Variants in SMARCD1 observed in about 807,000 individuals in gnomAD.
SMARCD1 encodes SWI/SNF related BAF chromatin remodeling complex subunit D1, also known as SWI/SNF-related matrix-associated actin-dependent regulator of chromatin subfamily D member 1.
A neutral mutation model predicts 70.8 loss-of-function variants in SMARCD1; 16 were observed. The ratio of observed to expected loss-of-function variants is 0.23; its 90% confidence interval spans 0.15 to 0.34. The LOEUF is 0.34. Among genes scored for constraint, SMARCD1 ranks in the 10% least tolerant of loss-of-function variants. The probability of loss-of-function intolerance (pLI) is 1.00; values close to 1 mark genes in which losing one functional copy is unlikely to be tolerated. For missense variants in SMARCD1, 409 were observed against 655.5 expected (o/e 0.62, Z 4.11); for synonymous variants, 249 against 246.0 (o/e 1.01, Z -0.11).
At chr12:50,088,486 C>A in intron 5 of SMARCD1, 35 bp from the exon 6 acceptor site, 1 of 1,226,220 alleles carries the variant, frequency 8.2e-7, no homozygotes, top group Non-Finnish European at 1.2e-6. Context: ...TTCTTCTGGC[C>A]TTTCCTAATG....
intron 9 of SMARCD1, among the ~76,000 whole-genome samples, chr12:50,093,629 T>A (rs986482153): frequency 6.6e-6 from 1 of 152,054 alleles, no homozygotes; most frequent in African/African-American, 2.4e-5. Flanking sequence ...ACCACAGATG[T>A]GTGCCACCAC....
chr12:50,098,596 G>A (rs1051767470), intron 11 of SMARCD1, 118 bp from the exon 12 acceptor site: 1 of 731,850 alleles, frequency 1.4e-6, no homozygotes, highest in Non-Finnish European at 2.3e-6. Context: ...GGTACTAGGG[G>A]TTGGTTAGAC....
rs1252002322 is a variant in SMARCD1, at chr12:50,099,720, C to T, written c.*720C>T. ...GATTCCCTCAGATCTGCCCTAATCCCGGGCATTTGGGTGGGGGAATCTTGC... is the reference window on the plus strand; with the variant it reads ...GATTCCCTCAGATCTGCCCTAATCCTGGGCATTTGGGTGGGGGAATCTTGC... On this transcript the variant is annotated 3_prime_UTR_variant, in exon 13 of 13. Transcript: ENST00000394963. 6 of 170,548 alleles carry T rather than the reference C, an allele frequency of 3.5e-5. No individual in the cohort carries two copies. The highest frequency in any genetic ancestry group is 4.0e-4 in the South Asian group (2 of 4,974). The allele number at this position is 170,548 out of a possible 1,614,324, so 10.6% of individuals were successfully genotyped here.
At chr12:50,091,545 G>A (rs1216186376) in intron 9 of SMARCD1, among the ~76,000 whole-genome samples, 1 of 152,084 alleles carries the variant, frequency 6.6e-6, no homozygotes, top group Non-Finnish European at 1.5e-5. Context: ...AAAGTGCTGG[G>A]ACTACAGGCG....
chr12:50,092,410 G>A (rs991586074), intron 9 of SMARCD1, among the ~76,000 whole-genome samples: 14 of 151,012 alleles, frequency 9.3e-5, no homozygotes, highest in Non-Finnish European at 2.1e-4. Context: ...TTTTAGTAGA[G>A]ACGGGGTTTT....
rs1247141490 is a variant in SMARCD1, at chr12:50,098,753, C to T, written c.1432C>T (p.Arg478Ter). 6.2e-7 allele frequency: 1 copy of T among 1,614,112 alleles called. No individual in the cohort carries two copies. Among genetic ancestry groups the T allele is most frequent in the Non-Finnish European group, 8.5e-7 (1 of 1,179,988 alleles). The change falls in exon 12 of 13, where the codon CGA becomes TGA. Residue 478 changes from arginine to a stop codon, truncating the protein, a stop_gained. Coordinates refer to ENST00000394963, the MANE Select transcript of SMARCD1 (RefSeq NM_003076.5). LOFTEE classifies it high-confidence loss of function. ...DVVGNPEEER[R>*]AEFYFQPWAQ... ...GGTGGGTAACCCAGAGGAGGAGCGC[C>T]GAGCTGAGTTCTACTTCCAGCCCTG...
intron 10 of SMARCD1, 114 bp from the exon 11 acceptor site, chr12:50,096,736 G>C: frequency 2.2e-6 from 2 of 907,904 alleles, no homozygotes; most frequent in South Asian, 1.6e-5. Context: ...TGCCAGCTGT[G>C]GGCAGCATGG....
chr12:50,090,552 T>C lies in SMARCD1; in HGVS notation c.1095T>C (p.Leu365=). The C allele has an allele frequency of 6.2e-7, 1 of 1,614,068 alleles. No individual in the cohort carries two copies. The highest frequency in any genetic ancestry group is 8.5e-7 in the Non-Finnish European group (1 of 1,179,936). ...TCCCTCAGCGGCTCCATGCCTTGCT[T>C]ATGCCACCAGAACCTATCATCATTA... ...SEIPQRLHAL[L]MPPEPIIINH... The change falls in exon 9 of 13, where the codon CTT becomes CTC. Residue 365 remains leucine (L), a synonymous_variant. Coordinates refer to ENST00000394963, the MANE Select transcript of SMARCD1 (RefSeq NM_003076.5).
chr12:50,097,891 CAAAAA>C (rs749628224), intron 11 of SMARCD1, among the ~76,000 whole-genome samples: 1 of 42,186 alleles, frequency 2.4e-5, no homozygotes, highest in Non-Finnish European at 5.2e-5. Flanking sequence ...GACTCCATCT[CAAAAA>C]AAAAAAAAAA....
intron 10 of SMARCD1, among the ~76,000 whole-genome samples, chr12:50,095,443 C>T (rs543041849): frequency 6.6e-6 from 1 of 152,212 alleles, no homozygotes; most frequent in Non-Finnish European, 1.5e-5. Flanking sequence ...TCTCCTGTCT[C>T]AGCCTCCTGA....
chr12:50,089,544 A>G, intron 6 of SMARCD1: 1 of 202,272 alleles, frequency 4.9e-6, no homozygotes, highest in Non-Finnish European at 1.0e-5. Context: ...GGGAAGTGAG[A>G]TAATCCAGGT....
rs1365171771 is a variant in SMARCD1 at position 50,099,141 on chromosome 12, G to T, written c.*141G>T. ...TCAAGGACAACACCAGAATGAAGAGGGTCTCACAAGACACCTGTTATCCTC... is the reference window on the plus strand; with the variant it reads ...TCAAGGACAACACCAGAATGAAGAGTGTCTCACAAGACACCTGTTATCCTC... On this transcript the variant is annotated 3_prime_UTR_variant, in exon 13 of 13. Transcript: ENST00000394963. 1 of 719,240 alleles carries T rather than the reference G, an allele frequency of 1.4e-6. No individual in the cohort carries two copies. The highest frequency in any genetic ancestry group is 2.4e-6 in the Non-Finnish European group (1 of 408,968). The allele number at this position is 719,240 out of a possible 1,614,324, so 44.6% of individuals were successfully genotyped here.
intron 1 of SMARCD1, 153 bp downstream of exon 1, chr12:50,085,699 G>C (rs1037751284): frequency 9.8e-5 from 50 of 511,894 alleles, no homozygotes; most frequent in Admixed American, 1.4e-4. Flanking sequence ...CAGAAAGAGA[G>C]GGGGAGGCAG....
At chr12:50,087,586 CTTTTG>C in intron 5 of SMARCD1, 101 bp downstream of exon 5, 1 of 1,378,748 alleles carries the variant, frequency 7.3e-7, no homozygotes, top group Non-Finnish European at 1.0e-6. Context: ...CTCACAGCTC[CTTTTG>C]GGAGCAGTAA....
intron 5 of SMARCD1, 134 bp from the exon 6 acceptor site, chr12:50,088,387 C>A: frequency 2.8e-6 from 2 of 709,324 alleles, no homozygotes; most frequent in Admixed American, 2.1e-5. Flanking sequence ...CTTTGCCTAT[C>A]TCTCTTAAGA....
At chr12:50,092,235 CTTTTTTTTTTTTTT>C (rs60619880) in intron 9 of SMARCD1, among the ~76,000 whole-genome samples, 1 of 91,146 alleles carries the variant, frequency 1.1e-5, no homozygotes, top group East Asian at 3.6e-4. Context: ...TTCTTTCTTT[CTTTTTTTTTTTTTT>C]TTTTTTTTGA....
chr12:50,086,451 G>C, intron 2 of SMARCD1, 103 bp downstream of exon 2: 1 of 867,270 alleles, frequency 1.2e-6, no homozygotes, highest in East Asian at 3.5e-5. Context: ...TCAGCAGATG[G>C]TGCTACAGAA....
At position 50,086,359 on chromosome 12, in the gene SMARCD1, C is replaced by T. The variant is rs770257414; in HGVS notation, c.365+11C>T. 1 of 1,568,962 alleles carries T rather than the reference C, an allele frequency of 6.4e-7. No homozygotes were observed. Among genetic ancestry groups the T allele is most frequent in the Admixed American group, 1.8e-5 (1 of 56,056 alleles). On this transcript the variant is annotated intron_variant, in intron 2 of 12. Transcript: ENST00000394963. ...AAATCGAAACCACAAGTAAGATGAT[C>T]CTGGGGCAGAGGGAGGGAGGGAGGG...
Position 50,085,353 on chromosome 12 carries a change from T to C in SMARCD1, c.-17T>C. ...GGTTCCGGTTCTTTGTGCGGCTGCA[T>C]CGGCGGCTCCGGGAAGATGGCGGCC... On this transcript the variant is annotated 5_prime_UTR_variant, in exon 1 of 13. Coordinates refer to ENST00000394963, the MANE Select transcript of SMARCD1 (RefSeq NM_003076.5). 7.9e-7 allele frequency: 1 copy of C among 1,262,356 alleles called. No homozygotes were observed. Among genetic ancestry groups the C allele is most frequent in the Non-Finnish European group, 9.9e-7 (1 of 1,005,900 alleles). The allele number at this position is 1,262,356 out of a possible 1,614,324, so 78.2% of individuals were successfully genotyped here.
Sources: gnomAD v4.1 joint callset for allele counts (sites outside exome capture counted in the v4.1 genomes callset) on GRCh38, gnomAD v4.1.1 for gene constraint, MANE v1.5 for transcripts, NCBI Gene and HGNC (gene_info 2026-07-23, HGNC 2026-07-21) for gene names.